RNF141: variants seen among roughly 807,000 people sequenced by gnomAD.
RNF141 encodes ring finger protein 141, also known as C3HC4-like zinc finger protein.
A neutral mutation model predicts 27.4 loss-of-function variants in RNF141; 18 were observed. The ratio of observed to expected loss-of-function variants is 0.66; its 90% CI spans 0.45 to 0.97. The LOEUF is 0.97. Ranked by LOEUF, RNF141 falls within the 50% of genes least tolerant of loss-of-function variation. The pLI is 0.00. For synonymous variants in RNF141, 97 were observed against 96.6 expected (o/e 1.00, Z -0.02); for missense variants, 230 against 279.4 (o/e 0.82, Z 1.26).
chr11:10,538,741 TA>T (rs1850058977), intron 1 of RNF141, among the ~76,000 whole-genome samples: 1 of 152,244 alleles, frequency 6.6e-6, no homozygotes, highest in Non-Finnish European at 1.5e-5. Context: ...CTATTAGTAC[TA>T]GGTTGGAGAG....
chr11:10,532,536 CA>C (rs879605652), intron 2 of RNF141, among the ~76,000 whole-genome samples: 2,797 of 101,994 alleles, frequency 0.027, 70 homozygotes, highest in African/African-American at 0.072. Flanking sequence ...CACACACACA[CA>C]CCCCACAACT....
intron 4 of RNF141, among the ~76,000 whole-genome samples, chr11:10,520,644 A>C (rs1256075968): frequency 1.3e-5 from 2 of 152,266 alleles, no homozygotes; most frequent in Non-Finnish European, 2.9e-5. Flanking sequence ...ATAAATGCAT[A>C]AACCAGTAAC....
At chr11:10,522,266 G>C (rs1849893678) in intron 4 of RNF141, among the ~76,000 whole-genome samples, 1 of 152,204 alleles carries the variant, frequency 6.6e-6, no homozygotes, top group African/African-American at 2.4e-5. Context: ...CAGAGTGAAA[G>C]AATATTCTGA....
At chr11:10,524,283 C>T (rs962876499) in intron 4 of RNF141, among the ~76,000 whole-genome samples, 8 of 152,084 alleles carry the variant, frequency 5.3e-5, no homozygotes, top group African/African-American at 9.7e-5. Context: ...GGCGTGGTGG[C>T]GGGCGCCTGT....
chr11:10,518,681 G>A (rs1309933820), intron 5 of RNF141: 1 of 169,808 alleles, frequency 5.9e-6, no homozygotes, highest in East Asian at 1.7e-4. Context: ...GTTCCCTGAG[G>A]TCCAGTATTC....
intron 5 of RNF141, among the ~76,000 whole-genome samples, chr11:10,517,990 C>T (rs1342754544): frequency 6.6e-6 from 1 of 151,964 alleles, no homozygotes; most frequent in Non-Finnish European, 1.5e-5. Context: ...AGATATGCAA[C>T]ACTGAAAACT....
intron 4 of RNF141, 53 bp downstream of exon 4, chr11:10,525,139 A>C: frequency 7.5e-7 from 1 of 1,328,484 alleles, no homozygotes; most frequent in Non-Finnish European, 1.0e-6. Flanking sequence ...AATAGATTTC[A>C]GTTGTTTTCA....
At chr11:10,533,268 C>G (rs1351130148) in intron 2 of RNF141, among the ~76,000 whole-genome samples, 1 of 151,914 alleles carries the variant, frequency 6.6e-6, no homozygotes, top group Non-Finnish European at 1.5e-5. Flanking sequence ...GAACAAAGAG[C>G]CCTATATATT....
intron 5 of RNF141, chr11:10,518,825 A>C (rs72859162): frequency 4.7e-6 from 2 of 427,222 alleles, no homozygotes; most frequent in Non-Finnish European, 4.1e-6. Context: ...AAAAGTGTCA[A>C]AACTAAGGTA....
intron 3 of RNF141, among the ~76,000 whole-genome samples, chr11:10,527,681 A>G (rs1274718020): frequency 6.6e-6 from 1 of 152,092 alleles, no homozygotes; most frequent in African/African-American, 2.4e-5. Context: ...AATATGATCT[A>G]ATTTACATTT....
At chr11:10,515,945 G>A (rs1849839953) in intron 5 of RNF141, 1 of 152,032 alleles carries the variant, frequency 6.6e-6, no homozygotes. Flanking sequence ...TTTTTTTCTG[G>A]TCAAACATTA....
intron 1 of RNF141, among the ~76,000 whole-genome samples, chr11:10,536,710 CGCCTCGGCCTCCCAG>C (rs374092314): frequency 3.5e-4 from 54 of 152,292 alleles, no homozygotes; most frequent in Middle Eastern, 3.4e-3. Context: ...GCAATCCTCC[CGCCTCGGCCTCCCAG>C]GCCGAGGATT....
chr11:10,534,074 C>T lies in RNF141; in HGVS notation c.85G>A (p.Glu29Lys), dbSNP rs1035271817. ...TCTTCATAAGTTAAGGAGCCACTCT[C>T]TCGAACCAACGTAACATGTTTTGCT... is the stretch of plus-strand genomic sequence containing the variant. ...KVAKHVTLVRESGSLTYEEFL... is the reference protein window; with the variant it reads ...KVAKHVTLVRKSGSLTYEEFL... The change falls in exon 2 of 6, where the codon GAG (glutamate) becomes AAG (lysine). Residue 29 changes from glutamate to lysine, a missense_variant. Glu to Lys is a moderately conservative substitution (Grantham distance 56, BLOSUM62 1). Coordinates refer to ENST00000265981, the MANE Select transcript of RNF141 (RefSeq NM_016422.4). 1 of 1,613,722 alleles carries T rather than the reference C, an allele frequency of 6.2e-7. No homozygotes were observed. The highest frequency in any genetic ancestry group is 8.5e-7 in the Non-Finnish European group (1 of 1,179,686).
At chr11:10,522,577 A>G (rs1849896617) in intron 4 of RNF141, among the ~76,000 whole-genome samples, 1 of 152,236 alleles carries the variant, frequency 6.6e-6, no homozygotes, top group Non-Finnish European at 1.5e-5. Context: ...CCACATAAAC[A>G]AAGGCCAAAG....
In RNF141 at chr11:10,530,749, G is replaced by A. The variant is rs771510261; in HGVS notation, c.146C>T (p.Thr49Met). The A allele has an allele frequency of 1.7e-5, 27 of 1,587,816 alleles. No homozygotes were observed. The highest frequency in any genetic ancestry group is 3.3e-4 in the Middle Eastern group (2 of 6,022). The change falls in exon 3 of 6, where the codon ACG becomes ATG. Residue 49 changes from threonine to methionine, a missense_variant and splice_region_variant. Transcript: ENST00000265981. The stretch of plus-strand genomic sequence containing the variant: ...TTCCTGGCCAGAAGCCACTTTAGCC[G>A]TTCTGAAAAGAGACAAGAACATGTT... ...LGRVAELNDV[T>M]AKVASGQEKH...
intron 1 of RNF141, among the ~76,000 whole-genome samples, chr11:10,537,650 C>T (rs911926324): frequency 6.6e-6 from 1 of 151,872 alleles, no homozygotes; most frequent in Non-Finnish European, 1.5e-5. Context: ...CACAGGAGCC[C>T]TCAAGAAAAA....
At chr11:10,520,582 A>G (rs1849880460) in intron 4 of RNF141, among the ~76,000 whole-genome samples, 1 of 152,182 alleles carries the variant, frequency 6.6e-6, no homozygotes, top group Non-Finnish European at 1.5e-5. Context: ...AACTTTTTTT[A>G]ATAAGTAGAA....
chr11:10,525,179 A>C lies in RNF141; in HGVS notation c.434+13T>G. The stretch of plus-strand genomic sequence containing the variant: ...AGAAAATAAGTGAAATACAATACTT[A>C]TGCATTATATACCTTCCCATCCAAA... On this transcript the variant is annotated intron_variant, in intron 4 of 5. Transcript: ENST00000265981. The C allele has an allele frequency of 6.5e-7, 1 of 1,543,392 alleles. No individual in the cohort carries two copies. Among genetic ancestry groups the C allele is most frequent in the Non-Finnish European group, 8.8e-7 (1 of 1,138,246 alleles).
intron 4 of RNF141, among the ~76,000 whole-genome samples, chr11:10,522,665 G>A (rs1304832027): frequency 2.0e-5 from 3 of 152,198 alleles, no homozygotes; most frequent in Non-Finnish European, 2.9e-5. Context: ...TGAAAGGCTG[G>A]AAAAGAGAAC....
Sources: gnomAD v4.1 joint callset for allele counts (sites outside exome capture counted in the v4.1 genomes callset) on GRCh38, gnomAD v4.1.1 for gene constraint, MANE v1.5 for transcripts, NCBI Gene and HGNC (gene_info 2026-07-23, HGNC 2026-07-21) for gene names.